Variants in CBX2 observed in about 807,000 individuals in gnomAD.
CBX2 encodes the protein chromobox 2.
In CBX2, 11 loss-of-function variants were observed where a neutral mutation model predicts 21.0. The observed-to-expected ratio is 0.52, with a 90% CI of 0.33 to 0.87. The LOEUF is 0.87. Among genes scored for constraint, CBX2 ranks in the 40% least tolerant of loss-of-function variants. The pLI is 0.02. For synonymous variants in CBX2, 364 were observed against 304.6 expected (o/e 1.19, Z -2.03); for missense variants, 746 against 724.3 (o/e 1.03, Z -0.34).
chr17:79,779,469 CG>C, intron 3 of CBX2, 42 bp downstream of exon 3: 4 of 1,582,790 alleles, frequency 2.5e-6, no homozygotes, highest in Non-Finnish European at 3.5e-6. Context: ...GGGGGAGGGA[CG>C]GTGGCTGGTT....
In CBX2 at chr17:79,782,519, G is replaced by A. The variant is rs932778489; in HGVS notation, c.288+718G>A. On this transcript the variant is annotated intron_variant, in intron 4 of 4. Coordinates refer to ENST00000310942, the MANE Select transcript of CBX2 (RefSeq NM_005189.3). ...GGGTGTGGCTTTGATTCCCTCCTCCGGGCACTGTCCCTGGACCTTCGCGTG... is the reference window on the plus strand; with the variant it reads ...GGGTGTGGCTTTGATTCCCTCCTCCAGGCACTGTCCCTGGACCTTCGCGTG... 6.3e-5 allele frequency: 74 copies of A among 1,169,718 alleles called. No individual in the cohort carries two copies. The Admixed American group carries it at 7.3e-4, about 12-fold the overall frequency. The allele number at this position is 1,169,718 out of a possible 1,614,324, so 72.5% of individuals were successfully genotyped here. A position where few individuals can be genotyped will look rare whatever the true frequency, so the allele number is the denominator to read the frequency against.
At chr17:79,782,275 G>C in intron 4 of CBX2, 2 of 1,546,984 alleles carry the variant, frequency 1.3e-6, no homozygotes, top group South Asian at 1.2e-5. Context: ...GAATAGCCAG[G>C]GGGTGCCAGG....
rs368418003 is a variant in CBX2 at position 79,784,125 on chromosome 17, A to G, written c.682A>G (p.Met228Val). The G allele has an allele frequency of 5.0e-6, 8 of 1,611,824 alleles. No homozygotes were observed. In the African/African-American group the frequency reaches 9.3e-5, roughly 19 times the overall value. The change falls in exon 5 of 5, where the codon ATG becomes GTG. Residue 228 changes from methionine (M) to valine (V), a missense_variant. Coordinates refer to ENST00000310942, the MANE Select transcript of CBX2 (RefSeq NM_005189.3). This position sits in a 1 kb window ranked among gnomAD's most constrained non-coding sequence, Gnocchi z 5.9. ...AKEACGGPSA[M>V]ATPENLASLM... ...GGAGGCCTGTGGCGGCCCCAGTGCC[A>G]TGGCCACCCCAGAGAACCTGGCCAG...
chr17:79,782,493 C>T lies in CBX2; in HGVS notation c.288+692C>T, dbSNP rs908761364. ...GGGGAGGAGGGCCTGGCCTCAGTCC[C>T]GGGTGTGGCTTTGATTCCCTCCTCC... On this transcript the variant is annotated intron_variant, in intron 4 of 4. Transcript: ENST00000310942. The T allele has an allele frequency of 4.1e-5, 49 of 1,186,528 alleles. No homozygotes were observed. In the African/African-American group the frequency reaches 4.5e-4, roughly 11 times the overall value. The allele number at this position is 1,186,528 out of a possible 1,614,324, so 73.5% of individuals were successfully genotyped here.
chr17:79,783,169 A>G (rs1215634257), intron 4 of CBX2, among the ~76,000 whole-genome samples: 1 of 151,728 alleles, frequency 6.6e-6, no homozygotes, highest in Admixed American at 6.6e-5. Context: ...CATGGTGTGG[A>G]CTCTGTCCGT....
chr17:79,777,802 G>A (rs1245548976), upstream of CBX2, among the ~76,000 whole-genome samples: 4 of 151,748 alleles, frequency 2.6e-5, no homozygotes, highest in Non-Finnish European at 5.9e-5. Context: ...CTTTTTGCCC[G>A]GAAAACGGAG....
At position 79,784,310 on chromosome 17, in the gene CBX2, C is replaced by T. The variant is rs1237532748; in HGVS notation, c.867C>T (p.Asp289=). ...CCAACAAGTGCGGCCTCGGGCTGGA[C>T]CTGAAGGTGAGGACGCAGAAAGGGG... ...QATNKCGLGL[D]LKVRTQKGEL... is the part of the protein sequence containing the mutation. Residue 289 remains aspartate, a synonymous_variant, in exon 5 of 5, where the codon GAC becomes GAT. Coordinates refer to ENST00000310942, the MANE Select transcript of CBX2 (RefSeq NM_005189.3). The surrounding 1 kb of genome is among the most constrained non-coding windows in gnomAD (Gnocchi z 5.9). 8 of 1,613,074 alleles carry T rather than the reference C, an allele frequency of 5.0e-6. No individual in the cohort carries two copies. The African/African-American group carries it at 8.0e-5, about 16-fold the overall frequency.
rs79637552 is a variant in CBX2, at chr17:79,779,613, C to T, written c.182+186C>T. On this transcript the variant is annotated intron_variant, in intron 3 of 4. Coordinates refer to ENST00000310942, the MANE Select transcript of CBX2 (RefSeq NM_005189.3). ...AAGTCCCCAGCCAGCCCCTCTCCCA[C>T]CTTCTCCTAGCCAGCCTGTATCCAT... The T allele has an allele frequency of 1.2e-3, 774 of 627,990 alleles. 6 individuals are homozygous for T. Among genetic ancestry groups the T allele is most frequent in the African/African-American group, 0.011 (635 of 55,230 alleles). The allele number at this position is 627,990 out of a possible 1,614,324, so 38.9% of individuals were successfully genotyped here.
Position 79,778,245 on chromosome 17 carries a change from C to T in CBX2, c.10C>T (p.Leu4=). 1.3e-6 allele frequency: 2 copies of T among 1,495,550 alleles called. No individual in the cohort carries two copies. The highest frequency in any genetic ancestry group is 2.4e-4 in the Middle Eastern group (1 of 4,212). The allele number at this position is 1,495,550 out of a possible 1,614,324, so 92.6% of individuals were successfully genotyped here. A position where few individuals can be genotyped will look rare whatever the true frequency, so the allele number is the denominator to read the frequency against. The part of the protein sequence containing the change: MEE[L]SSVGEQVFAA... The stretch of plus-strand genomic sequence containing the variant: ...CTGGCTGCCGGGCAGCATGGAGGAG[C>T]TGAGCAGCGTGGGCGAGCAGGTCTT... The change falls in exon 1 of 5, where the codon CTG becomes TTG. Residue 4 remains leucine (L), a synonymous_variant. Coordinates refer to ENST00000310942, the MANE Select transcript of CBX2 (RefSeq NM_005189.3). The surrounding 1 kb of genome is among the most constrained non-coding windows in gnomAD (Gnocchi z 4.8).
At chr17:79,780,045 TA>T (rs1907056354) in intron 3 of CBX2, among the ~76,000 whole-genome samples, 1 of 152,238 alleles carries the variant, frequency 6.6e-6, no homozygotes, top group African/African-American at 2.4e-5. Flanking sequence ...GTAGGAAGTT[TA>T]GGTTAAGAGA....
chr17:79,778,607 G>A lies in CBX2; in HGVS notation c.116+180G>A, dbSNP rs1180227677. On this transcript the variant is annotated intron_variant, in intron 2 of 4. Coordinates refer to ENST00000310942, the MANE Select transcript of CBX2 (RefSeq NM_005189.3). This position sits in a 1 kb window ranked among gnomAD's most constrained non-coding sequence, Gnocchi z 4.8. ...GGCGGGGGCCGCCCGGCCCGAGGTT[G>A]CCCTTTGTTTACACGCCCGCGGGTG... Among the ~76,000 whole-genome samples, 2 of 151,404 alleles carry A rather than the reference G, an allele frequency of 1.3e-5. No individual in the cohort carries two copies. The highest frequency in any genetic ancestry group is 3.0e-5 in the Non-Finnish European group (2 of 67,748).
chr17:79,779,044 A>C (rs554866983), intron 2 of CBX2, among the ~76,000 whole-genome samples: 21 of 152,068 alleles, frequency 1.4e-4, no homozygotes, highest in Admixed American at 1.2e-3. Context: ...GTTTGGGGGA[A>C]TCCCTCTCTG....
Position 79,787,297 on chromosome 17 carries a change from C to CT in CBX2, c.*2256dup, listed in dbSNP as rs1555832283. On this transcript the variant is annotated 3_prime_UTR_variant, in exon 5 of 5. Coordinates refer to ENST00000310942, the MANE Select transcript of CBX2 (RefSeq NM_005189.3). The stretch of plus-strand genomic sequence containing the variant: ...GTTGGAGAAATGAGGATGTCTGTCC[C>CT]TGTCTGCCTGGGCAGGCCAGATTCC... The CT allele has an allele frequency of 6.5e-6, 1 of 152,678 alleles. No individual in the cohort carries two copies. Among genetic ancestry groups the CT allele is most frequent in the African/African-American group, 2.4e-5 (1 of 41,474 alleles). 9.5% of individuals were successfully genotyped at this position (152,678 alleles called of 1,614,324 possible).
rs1242018556 is a variant in CBX2 at position 79,778,450 on chromosome 17, C to T, written c.116+23C>T. The T allele has an allele frequency of 8.1e-6, 12 of 1,486,044 alleles. No individual in the cohort carries two copies. In the South Asian group the frequency reaches 1.5e-4, roughly 18 times the overall value. The allele number at this position is 1,486,044 out of a possible 1,614,324, so 92.1% of individuals were successfully genotyped here. A position where few individuals can be genotyped will look rare whatever the true frequency, so the allele number is the denominator to read the frequency against. The stretch of plus-strand genomic sequence containing the variant: ...CAAGTGAGTCCCCCGCGACGCCGCG[C>T]CCCCCTCCCGCCCCCTCGCCCGGGG... On this transcript the variant is annotated intron_variant, in intron 2 of 4. Transcript: ENST00000310942. This position sits in a 1 kb window ranked among gnomAD's most constrained non-coding sequence, Gnocchi z 4.8.
In CBX2 at chr17:79,782,898, T is replaced by C. The variant is rs116124972; in HGVS notation, c.289-834T>C. 3.5e-3 allele frequency among the ~76,000 whole-genome samples: 527 copies of C among 152,292 alleles called. 4 individuals carry two copies. The highest frequency in any genetic ancestry group is 0.012 in the African/African-American group (504 of 41,558). On this transcript the variant is annotated intron_variant, in intron 4 of 4. Coordinates refer to ENST00000310942, the MANE Select transcript of CBX2 (RefSeq NM_005189.3). ...CCTGTAAAACACAAGGACACTCTTA[T>C]TTAACATTGGCGGTGACATCCAGAA...
rs1907628740 is a variant in CBX2 at position 79,786,246 on chromosome 17, C to G, written c.*1204C>G. 6.5e-6 allele frequency: 1 copy of G among 152,788 alleles called. No individual in the cohort carries two copies. The highest frequency in any genetic ancestry group is 1.5e-5 in the Non-Finnish European group (1 of 68,130). 9.5% of individuals were successfully genotyped at this position (152,788 alleles called of 1,614,324 possible). ...GGCCGTGGGTCCAGCCAACAACTCCCTACGTCCTGTGTGGGGCCCTGCCCA... is the reference window on the plus strand; with the variant it reads ...GGCCGTGGGTCCAGCCAACAACTCCGTACGTCCTGTGTGGGGCCCTGCCCA... On this transcript the variant is annotated 3_prime_UTR_variant, in exon 5 of 5. Transcript: ENST00000310942.
In CBX2 at chr17:79,786,450, G is replaced by A. The variant is rs1555831958; in HGVS notation, c.*1408G>A. On this transcript the variant is annotated 3_prime_UTR_variant, in exon 5 of 5. Transcript: ENST00000310942. ...CCGGGAAGCTGGATCTGTCAGCCTC[G>A]GCCCTGAGGCCCCTGTTAACTCAAG... 1.3e-5 allele frequency: 2 copies of A among 152,564 alleles called. No individual in the cohort carries two copies. The highest frequency in any genetic ancestry group is 2.4e-5 in the African/African-American group (1 of 41,362). The allele number at this position is 152,564 out of a possible 1,614,324, so 9.5% of individuals were successfully genotyped here. A position where few individuals can be genotyped will look rare whatever the true frequency, so the allele number is the denominator to read the frequency against.
Position 79,778,498 on chromosome 17 carries a change from C to G in CBX2, c.116+71C>G. The G allele has an allele frequency of 1.9e-6, 2 of 1,061,918 alleles. No homozygotes were observed. The highest frequency in any genetic ancestry group is 2.6e-6 in the Non-Finnish European group (2 of 770,674). The allele number at this position is 1,061,918 out of a possible 1,614,324, so 65.8% of individuals were successfully genotyped here. A position where few individuals can be genotyped will look rare whatever the true frequency, so the allele number is the denominator to read the frequency against. On this transcript the variant is annotated intron_variant, in intron 2 of 4. Transcript: ENST00000310942. The surrounding 1 kb of genome is among the most constrained non-coding windows in gnomAD (Gnocchi z 4.8). ...GGGGTGGGGACGTGGAGCCCCTCGG[C>G]CGCGCCGTCCGGTGGCCTGGGGGCG...
In CBX2 at chr17:79,778,479, G is replaced by A; in HGVS notation, c.116+52G>A. On this transcript the variant is annotated intron_variant, in intron 2 of 4. Transcript: ENST00000310942. This position sits in a 1 kb window ranked among gnomAD's most constrained non-coding sequence, Gnocchi z 4.8. The stretch of plus-strand genomic sequence containing the variant: ...CCTCCCGCCCCCTCGCCCGGGGGTG[G>A]GGACGTGGAGCCCCTCGGCCGCGCC... 2 of 1,274,668 alleles carry A rather than the reference G, an allele frequency of 1.6e-6. No individual in the cohort carries two copies. The highest frequency in any genetic ancestry group is 2.1e-6 in the Non-Finnish European group (2 of 935,714). 79.0% of individuals were successfully genotyped at this position (1,274,668 alleles called of 1,614,324 possible).
Sources: allele counts gnomAD v4.1 joint callset (sites outside exome capture counted in the v4.1 genomes callset), GRCh38; gene constraint gnomAD v4.1.1; non-coding constraint Gnocchi (gnomAD v3.1); transcripts MANE v1.5; gene names NCBI Gene and HGNC (gene_info 2026-07-23, HGNC 2026-07-21).